The following STIL variants were observed in gnomAD, a reference collection of about 807,000 sequenced individuals.
STIL encodes the protein STIL centriolar assembly protein, also known as SCL-interrupting locus protein.
Under a neutral mutation model 110.1 loss-of-function variants are expected in STIL, and 55 were observed. That is an observed-to-expected ratio of 0.50 (90% CI 0.40 to 0.63). The LOEUF (loss-of-function observed/expected upper bound fraction) is 0.63, where lower values mean the gene tolerates loss of function less well. STIL is among the 20% of genes least tolerant of loss of function. STIL has a pLI of 0.00. For missense variants in STIL, 1,358 were observed against 1,530.0 expected, an observed-to-expected ratio of 0.89 and a Z score of 1.87; for synonymous variants, 481 against 530.0, an observed-to-expected ratio of 0.91 and a Z score of 1.27.
intron 13 of STIL, among the ~76,000 whole-genome samples, chr1:47,271,461 A>G (rs1486384414): frequency 1.3e-5 from 2 of 150,810 alleles, no homozygotes; most frequent in Non-Finnish European, 2.9e-5. Flanking sequence ...AGTCCCAGCT[A>G]CTCAGGAAAA....
chr1:47,305,718 G>C (rs975352723), intron 2 of STIL, among the ~76,000 whole-genome samples: 1 of 121,342 alleles, frequency 8.2e-6, no homozygotes, highest in Non-Finnish European at 1.7e-5. Flanking sequence ...GAGCCACCAC[G>C]CCTGGCCTTT....
At chr1:47,299,191 T>C (rs1039251179) in intron 6 of STIL, among the ~76,000 whole-genome samples, 3 of 151,358 alleles carry the variant, frequency 2.0e-5, no homozygotes, top group Non-Finnish European at 4.4e-5. Flanking sequence ...CTATTAAAAA[T>C]ACAAAAATTA....
intron 8 of STIL, 76 bp from the exon 9 acceptor site, chr1:47,289,661 C>T: frequency 7.3e-7 from 1 of 1,377,542 alleles, no homozygotes; most frequent in Non-Finnish European, 1.0e-6. Flanking sequence ...ATGTGAGTCT[C>T]CCAATCTAGT....
chr1:47,295,767 T>C lies in STIL; in HGVS notation c.783A>G (p.Gly261=). Residue 261 remains glycine (G), a splice_region_variant and synonymous_variant, in exon 7 of 17, where the codon GGA becomes GGG. Transcript: ENST00000371877. ...DPKVYSLPLV[G]IWLSGITHIY... ...TTCATAAATAATGTAATACTTACATTCCCACCAATGGTAGAGAATAAACCT... is the reference window on the plus strand; with the variant it reads ...TTCATAAATAATGTAATACTTACATCCCCACCAATGGTAGAGAATAAACCT... 1 of 1,605,262 alleles carries C rather than the reference T, an allele frequency of 6.2e-7. No individual in the cohort carries two copies.
chr1:47,295,924 A>C (rs1227181507), intron 6 of STIL, 76 bp from the exon 7 acceptor site: 1 of 1,084,428 alleles, frequency 9.2e-7, no homozygotes, highest in Non-Finnish European at 1.4e-6. Flanking sequence ...TAAATGCTGA[A>C]GCATACTTTA....
Position 47,295,844 on chromosome 1 carries a change from G to C in STIL, c.706C>G (p.Leu236Val). 1.9e-6 allele frequency: 3 copies of C among 1,609,302 alleles called. No individual in the cohort carries two copies. The highest frequency in any genetic ancestry group is 2.6e-6 in the Non-Finnish European group (3 of 1,176,114). The change falls in exon 7 of 17, where the codon CTT becomes GTT. Residue 236 changes from leucine to valine, a missense_variant. Coordinates refer to ENST00000371877, the MANE Select transcript of STIL (RefSeq NM_001048166.1). ...AATTTGCGTGTTTCATCCATGGTAA[G>C]ATATCTAAACAGAAGACATTCATGT... ...QVQGTYKYGY[L>V]TMDETRKLLL... is the part of the protein sequence containing the mutation.
chr1:47,300,271 G>C, intron 5 of STIL, 119 bp from the exon 6 acceptor site: 3 of 1,009,048 alleles, frequency 3.0e-6, no homozygotes, highest in Non-Finnish European at 4.3e-6. Flanking sequence ...AATTAAATGA[G>C]TTCTGATTTA....
chr1:47,275,250 AACTT>A (rs1445626319), intron 12 of STIL, among the ~76,000 whole-genome samples: 1 of 152,054 alleles, frequency 6.6e-6, no homozygotes, highest in Non-Finnish European at 1.5e-5. Context: ...TAAAAAAAAA[AACTT>A]ACTTAAATAA....
chr1:47,251,719 C>T lies in STIL; in HGVS notation c.3284G>A (p.Ser1095Asn). The stretch of plus-strand genomic sequence containing the variant: ...TCTGTCTGTATTAATATGGAGAAGG[C>T]TGAATGGGTCACAATTATTTTGGTT... ...RSNQNNCDPF[S>N]LLHINTDRST... Residue 1095 changes from serine to asparagine, a missense_variant, in exon 17 of 17, where the codon AGC (serine) becomes AAC (asparagine). Physicochemically the swap from Ser to Asn is conservative, Grantham distance 46 (BLOSUM62 1). Coordinates refer to ENST00000371877, the MANE Select transcript of STIL (RefSeq NM_001048166.1). 6.2e-7 allele frequency: 1 copy of T among 1,614,154 alleles called. No homozygotes were observed. Among genetic ancestry groups the T allele is most frequent in the East Asian group, 2.2e-5 (1 of 44,878 alleles).
Position 47,297,829 on chromosome 1 carries a change from A to G in STIL, c.702-1981T>C, listed in dbSNP as rs183307417. 6.6e-5 allele frequency among the ~76,000 whole-genome samples: 10 copies of G among 152,294 alleles called. No individual in the cohort carries two copies. In the East Asian group the frequency reaches 1.7e-3, roughly 26 times the overall value. On this transcript the variant is annotated intron_variant, in intron 6 of 16. Coordinates refer to ENST00000371877, the MANE Select transcript of STIL (RefSeq NM_001048166.1). ...GAATAGGTGATTGACAGAATACTGA[A>G]CATCCTGGTTATTACCAGCATGCCC...
chr1:47,259,129 G>A (rs1356213797), intron 16 of STIL, among the ~76,000 whole-genome samples: 1 of 150,306 alleles, frequency 6.7e-6, no homozygotes, highest in Non-Finnish European at 1.5e-5. Context: ...TGGGACTACA[G>A]GCGCCCACCA....
chr1:47,312,152 A>G (rs1048316054), intron 1 of STIL, among the ~76,000 whole-genome samples: 2 of 152,070 alleles, frequency 1.3e-5, no homozygotes, highest in African/African-American at 4.8e-5. Context: ...TCCTATTGAA[A>G]ATGCTCTTAT....
At chr1:47,304,820 T>C (rs1645904626) in intron 3 of STIL, 69 bp downstream of exon 3, 1 of 1,179,490 alleles carries the variant, frequency 8.5e-7, no homozygotes. Flanking sequence ...GTAATCAACT[T>C]TGCCTTATAC....
chr1:47,293,349 T>A, intron 8 of STIL, 109 bp downstream of exon 8: 1 of 843,928 alleles, frequency 1.2e-6, no homozygotes, highest in Non-Finnish European at 2.0e-6. Flanking sequence ...CGTGTTTATT[T>A]ATAAGTATTG....
At chr1:47,303,568 A>C (rs566562700) in intron 3 of STIL, among the ~76,000 whole-genome samples, 2 of 152,376 alleles carry the variant, frequency 1.3e-5, no homozygotes, top group Admixed American at 1.3e-4. Context: ...TCCTCTCAAA[A>C]AAAACAACCA....
At chr1:47,299,277 G>A (rs1645732348) in intron 6 of STIL, among the ~76,000 whole-genome samples, 10 of 151,736 alleles carry the variant, frequency 6.6e-5, no homozygotes. Context: ...AACCAGGGAG[G>A]TGGAGGTTAC....
intron 14 of STIL, among the ~76,000 whole-genome samples, chr1:47,267,730 G>A: frequency 1.2e-5 from 1 of 86,142 alleles, no homozygotes; most frequent in Non-Finnish European, 2.5e-5. Context: ...TTTGTTTTGA[G>A]ACTTAGTCTT....
At chr1:47,280,111 C>G in intron 12 of STIL, 130 bp downstream of exon 12, 1 of 1,253,720 alleles carries the variant, frequency 8.0e-7, no homozygotes, top group Non-Finnish European at 1.1e-6. Context: ...GCCTAGAATT[C>G]AGTTTCCAAG....
chr1:47,280,648 T>C lies in STIL; in HGVS notation c.1810A>G (p.Arg604Gly), dbSNP rs748088141. 1.2e-6 allele frequency: 2 copies of C among 1,614,208 alleles called. No homozygotes were observed. Among genetic ancestry groups the C allele is most frequent in the Non-Finnish European group, 1.7e-6 (2 of 1,180,046 alleles). ...LPSYCSTNVC[R>G]CCQHHSHIQY... ...ATATGACTATGATGCTGACAACACC[T>C]GCAAACGTTTGTGGAACAGTAAGAT... is the stretch of plus-strand genomic sequence containing the variant. Residue 604 changes from arginine to glycine, a missense_variant, in exon 12 of 17, where the codon AGG becomes GGG. Physicochemically the swap from Arg to Gly is moderately radical, Grantham distance 125. Transcript: ENST00000371877.
Sources: gnomAD v4.1 joint callset for allele counts (sites outside exome capture counted in the v4.1 genomes callset) on GRCh38, gnomAD v4.1.1 for gene constraint, MANE v1.5 for transcripts, NCBI Gene and HGNC (gene_info 2026-07-23, HGNC 2026-07-21) for gene names.